Variants in WFDC5 observed in about 807,000 individuals in gnomAD.
The protein encoded by WFDC5 is WAP four-disulfide core domain protein 5.
Under a neutral mutation model 15.7 loss-of-function variants are expected in WFDC5, and 15 were observed. The observed-to-expected ratio is 0.96, with a 90% CI of 0.64 to 1.47. WFDC5 has a LOEUF of 1.47. Ranked by LOEUF, WFDC5 falls within the 40% of genes most tolerant of loss-of-function variation. WFDC5 has a pLI of 0.00. For synonymous variants in WFDC5, 109 were observed against 107.7 expected (o/e 1.01, Z -0.07); for missense variants, 280 against 258.0 (o/e 1.09, Z -0.59).
intron 1 of WFDC5, among the ~76,000 whole-genome samples, chr20:45,114,660 C>T (rs896495914): frequency 5.3e-5 from 8 of 151,930 alleles, no homozygotes; most frequent in Admixed American, 2.0e-4. Context: ...GACAAGCAGA[C>T]GCAAAGACAC....
chr20:45,109,704 G>T (rs1568796435), exon 4 of WFDC5: 1 of 705,400 alleles, frequency 1.4e-6, no homozygotes, highest in Non-Finnish European at 2.7e-6. Flanking sequence ...GGTGGAGGAA[G>T]CAGCATGTAC....
chr20:45,114,960 C>T, intron 1 of WFDC5, 39 bp downstream of exon 1: 4 of 1,603,098 alleles, frequency 2.5e-6, no homozygotes, highest in East Asian at 2.2e-5. Context: ...GAAGTAGAGA[C>T]AATCTGGTCC....
chr20:45,113,552 C>T (rs537455964), intron 1 of WFDC5, among the ~76,000 whole-genome samples: 1 of 152,294 alleles, frequency 6.6e-6, no homozygotes, highest in South Asian at 2.1e-4. Flanking sequence ...TTACTGTGTG[C>T]CAGGCCCTTA....
intron 1 of WFDC5, among the ~76,000 whole-genome samples, chr20:45,111,322 T>G (rs763616862): frequency 1.9e-4 from 22 of 113,060 alleles, no homozygotes; most frequent in South Asian, 1.5e-3. Flanking sequence ...ATTTCTTTCC[T>G]CCAGAGTTTG....
At chr20:45,114,172 C>G (rs1981694175) in intron 1 of WFDC5, among the ~76,000 whole-genome samples, 1 of 152,216 alleles carries the variant, frequency 6.6e-6, no homozygotes, top group South Asian at 2.1e-4. Flanking sequence ...CACCAGTGTA[C>G]TTCCTTCCTC....
At chr20:45,110,360 G>A (rs758379501) in intron 3 of WFDC5, 40 bp downstream of exon 3, 16 of 1,565,658 alleles carry the variant, frequency 1.0e-5, no homozygotes, top group Non-Finnish European at 1.2e-5. Flanking sequence ...GCTGGGCTCG[G>A]AGAGGGGAGG....
At chr20:45,109,554 CAT>C in exon 4 of WFDC5, 1 of 597,516 alleles carries the variant, frequency 1.7e-6, no homozygotes, top group African/African-American at 1.9e-5. Context: ...TGCAACCTAT[CAT>C]GGTGCTATTT....
intron 1 of WFDC5, among the ~76,000 whole-genome samples, chr20:45,111,309 C>T (rs148048958): frequency 2.4e-4 from 35 of 143,406 alleles, no homozygotes; most frequent in Middle Eastern, 3.8e-3. Flanking sequence ...CACACACACA[C>T]TCATTTCTTT....
At chr20:45,109,749 C>A (rs1249122023) in exon 4 of WFDC5, 2 of 719,180 alleles carry the variant, frequency 2.8e-6, no homozygotes, top group East Asian at 5.4e-5. Context: ...GGGTGGGAAG[C>A]TCGTATGGCA....
At chr20:45,114,661 G>A (rs1012208755) in intron 1 of WFDC5, among the ~76,000 whole-genome samples, 2 of 151,672 alleles carry the variant, frequency 1.3e-5, no homozygotes, top group African/African-American at 4.9e-5. Flanking sequence ...ACAAGCAGAC[G>A]CAAAGACACA....
In WFDC5 at chr20:45,110,556, C is replaced by CT. The variant is rs774209628; in HGVS notation, c.227-17dup. 6.2e-7 allele frequency: 1 copy of CT among 1,614,116 alleles called. No homozygotes were observed. The highest frequency in any genetic ancestry group is 8.5e-7 in the Non-Finnish European group (1 of 1,179,982). The stretch of plus-strand genomic sequence containing the variant: ...CCCAGCTTCACTGCAACACAGGGAA[C>CT]TGGGTGAGCTCCGTCCTTGCCCACT... On this transcript the variant is annotated splice_polypyrimidine_tract_variant and intron_variant, in intron 2 of 3. Transcript: ENST00000307971.
intron 1 of WFDC5, among the ~76,000 whole-genome samples, chr20:45,113,274 C>T (rs1458443825): frequency 1.3e-5 from 2 of 152,316 alleles, no homozygotes; most frequent in South Asian, 4.1e-4. Flanking sequence ...CAAACTGAGA[C>T]TTCCCTTCCC....
intron 3 of WFDC5, 120 bp downstream of exon 3, chr20:45,110,280 C>T: frequency 6.7e-7 from 1 of 1,486,458 alleles, no homozygotes; most frequent in Non-Finnish European, 9.0e-7. Flanking sequence ...TTTCCTAATC[C>T]TGGCCATGGG....
At chr20:45,115,026 G>A in exon 1 of WFDC5, 1 of 1,613,660 alleles carries the variant, frequency 6.2e-7, no homozygotes, top group African/African-American at 1.3e-5. Flanking sequence ...AAGACAGCAG[G>A]CAGCTGACTC....
rs753722016 is a variant in WFDC5, at chr20:45,110,688, G to A, written c.173C>T (p.Thr58Ile). The A allele has an allele frequency of 5.0e-6, 8 of 1,614,178 alleles. No individual in the cohort carries two copies. The South Asian group carries it at 7.7e-5, about 16-fold the overall frequency. The change falls in exon 2 of 4, where the codon ACC (threonine) becomes ATC (isoleucine). Residue 58 changes from threonine (T) to isoleucine (I), a missense_variant. Thr to Ile is a moderately conservative substitution (Grantham distance 89). Coordinates refer to ENST00000307971, the Ensembl canonical transcript of WFDC5. Reference sequence around the variant, plus strand: ...GCAAGCTCTGTAGCAGCACTTCCTGGTCAAGGGACACTGGCTGTCTTCCAC... The same window carrying A: ...GCAAGCTCTGTAGCAGCACTTCCTGATCAAGGGACACTGGCTGTCTTCCAC...
intron 1 of WFDC5, among the ~76,000 whole-genome samples, chr20:45,111,769 A>G (rs1322957938): frequency 2.0e-5 from 3 of 152,168 alleles, no homozygotes; most frequent in Non-Finnish European, 4.4e-5. Flanking sequence ...TCAAGGCCTG[A>G]AAAGGGCAGT....
chr20:45,110,366 GGA>G (rs1187362177), intron 3 of WFDC5, 32 bp downstream of exon 3: 1 of 1,571,472 alleles, frequency 6.4e-7, no homozygotes, highest in Admixed American at 1.9e-5. Flanking sequence ...CTCGGAGAGG[GGA>G]GGCACCTGCC....
At chr20:45,115,310 C>T, upstream of WFDC5, 1 of 535,710 alleles carries the variant, frequency 1.9e-6, no homozygotes, top group Non-Finnish European at 3.3e-6. Flanking sequence ...GGACTCAGAT[C>T]CAGTCTTGCC....
chr20:45,113,201 G>T (rs140292580), intron 1 of WFDC5, among the ~76,000 whole-genome samples: 1 of 152,348 alleles, frequency 6.6e-6, no homozygotes, highest in African/African-American at 2.4e-5. Context: ...CCAGACGTTT[G>T]AGTGAGAAGG....
Sources: allele counts gnomAD v4.1 joint callset (sites outside exome capture counted in the v4.1 genomes callset), GRCh38; gene constraint gnomAD v4.1.1; transcripts MANE v1.5; gene names NCBI Gene and HGNC (gene_info 2026-07-23, HGNC 2026-07-21).